Variants in KALRN observed in about 807,000 individuals in gnomAD.
The protein encoded by KALRN is kalirin.
A neutral mutation model predicts 353.7 loss-of-function variants in KALRN; 70 were observed. The ratio of observed to expected loss-of-function variants is 0.20; its 90% CI spans 0.16 to 0.24. The LOEUF (loss-of-function observed/expected upper bound fraction) is 0.24. Among genes scored for constraint, KALRN ranks in the 10% least tolerant of loss-of-function variants. The pLI is 1.00. For missense variants in KALRN, 2,791 were observed against 3,756.7 expected (o/e 0.74, Z 6.72); for synonymous variants, 1,391 against 1,434.8 (o/e 0.97, Z 0.69).
chr3:124,425,734 A>G (rs762349899), intron 15 of KALRN, among the ~76,000 whole-genome samples: 1 of 152,110 alleles, frequency 6.6e-6, no homozygotes, highest in Non-Finnish European at 1.5e-5. Flanking sequence ...TCAACTCCCT[A>G]ATTCTCTTTT....
intron 3 of KALRN, among the ~76,000 whole-genome samples, chr3:124,262,034 T>C (rs990137936): frequency 1.3e-5 from 2 of 152,114 alleles, no homozygotes; most frequent in African/African-American, 2.4e-5. Context: ...TAATATATTT[T>C]TTAATAAAAC....
At chr3:124,308,815 T>C (rs1236266106) in intron 6 of KALRN, among the ~76,000 whole-genome samples, 1 of 151,254 alleles carries the variant, frequency 6.6e-6, no homozygotes, top group Admixed American at 6.6e-5. Flanking sequence ...ATAATAAAGA[T>C]TAGAGTAGAA....
chr3:124,152,978 T>C lies in KALRN; in HGVS notation c.74-75012T>C, dbSNP rs182169736. The C allele has an allele frequency of 2.4e-3, 558 of 230,234 alleles. 1 individual carries two copies. The highest frequency in any genetic ancestry group is 3.6e-3 in the Middle Eastern group (2 of 558). 14.3% of individuals were successfully genotyped at this position (230,234 alleles called of 1,614,324 possible). Reference sequence around the variant, plus strand: ...TTTGAAGCACCTTTGTGCAAACTTCTTTCTCAGGTGCTTGATCTTCAGCTC... The same window carrying C: ...TTTGAAGCACCTTTGTGCAAACTTCCTTCTCAGGTGCTTGATCTTCAGCTC... On this transcript the variant is annotated intron_variant, in intron 1 of 59. Transcript: ENST00000682506.
chr3:124,674,566 C>T lies in KALRN; in HGVS notation c.7145C>T (p.Ala2382Val), dbSNP rs143716563. 6.0e-5 allele frequency: 97 copies of T among 1,608,162 alleles called. No homozygotes were observed. In the East Asian group the frequency reaches 1.7e-3, roughly 29 times the overall value. The change falls in exon 49 of 60, where the codon GCG (alanine) becomes GTG (valine). Residue 2382 changes from alanine to valine, a missense_variant. This residue lies in a region of KALRN where 1,065 missense variants were observed against 1,156.4 expected (regional missense o/e 0.92). Coordinates refer to ENST00000682506, the MANE Select transcript of KALRN (RefSeq NM_001388419.1). ...AEGWVPGSIL[A>V]PLTKATAAES... ...GGCTGGGTCCCAGGCAGCATCCTGGCGCCCCTCACCAAAGCCACAGCAGCA... is the reference window on the plus strand; with the variant it reads ...GGCTGGGTCCCAGGCAGCATCCTGGTGCCCCTCACCAAAGCCACAGCAGCA...
chr3:124,624,430 A>C (rs2149725454), intron 34 of KALRN, among the ~76,000 whole-genome samples: 1 of 152,342 alleles, frequency 6.6e-6, no homozygotes, highest in Admixed American at 6.5e-5. Context: ...AAACATATAT[A>C]GGGTTTGATA....
rs1332415836 is a variant in KALRN at position 124,384,806 on chromosome 3, G to A, written c.1771-39G>A. ...CCCAGGGTGGGCTGCTGGAAGGCGCGACTGCAACTTGACTTTGCCTCACTG... is the reference window on the plus strand; with the variant it reads ...CCCAGGGTGGGCTGCTGGAAGGCGCAACTGCAACTTGACTTTGCCTCACTG... On this transcript the variant is annotated intron_variant, in intron 10 of 59. Transcript: ENST00000682506. The A allele has an allele frequency of 5.9e-6, 9 of 1,535,816 alleles. No homozygotes were observed. In the South Asian group the frequency reaches 8.9e-5, roughly 15 times the overall value.
At chr3:124,543,487 G>C (rs866205487) in intron 33 of KALRN, among the ~76,000 whole-genome samples, 14 of 152,092 alleles carry the variant, frequency 9.2e-5, no homozygotes, top group Middle Eastern at 3.4e-3. Flanking sequence ...ATTTTTAGTA[G>C]AGACGGGGTT....
Position 124,680,291 on chromosome 3 carries a change from A to G in KALRN, c.7377+774A>G, listed in dbSNP as rs180835599. On this transcript the variant is annotated intron_variant, in intron 51 of 59. Transcript: ENST00000682506. ...AGTGGAACCAACGCCTGTATCAACA[A>G]GAACATCCATTCCACTTCCAACTCC... is the stretch of plus-strand genomic sequence containing the variant. Among the ~76,000 whole-genome samples the G allele has an allele frequency of 2.7e-3, 408 of 152,384 alleles. 2 individuals carry two copies. Among genetic ancestry groups the G allele is most frequent in the Admixed American group, 7.6e-3 (117 of 15,304 alleles).
At chr3:124,499,660 A>G (rs999168914) in intron 33 of KALRN, among the ~76,000 whole-genome samples, 7 of 152,194 alleles carry the variant, frequency 4.6e-5, no homozygotes, top group Non-Finnish European at 1.0e-4. Flanking sequence ...TCTCTTTTCC[A>G]TCTGCTAGCC....
chr3:124,126,363 G>A (rs1365310424), intron 1 of KALRN, among the ~76,000 whole-genome samples: 3 of 152,066 alleles, frequency 2.0e-5, no homozygotes, highest in Non-Finnish European at 4.4e-5. Context: ...GCGACTGTTG[G>A]TCAGATTTCT....
At chr3:124,040,830 A>T (rs1261806394) in intron 1 of KALRN, among the ~76,000 whole-genome samples, 1 of 152,138 alleles carries the variant, frequency 6.6e-6, no homozygotes, top group East Asian at 1.9e-4. Context: ...TTAATTATTA[A>T]TTGAATGTGA....
At chr3:124,058,197 T>G (rs796344194) in intron 1 of KALRN, among the ~76,000 whole-genome samples, 3 of 152,246 alleles carry the variant, frequency 2.0e-5, no homozygotes, top group African/African-American at 7.2e-5. Context: ...GAGTTACAAT[T>G]CAAGATGAGA....
chr3:124,066,961 A>G (rs1365258157), intron 1 of KALRN, among the ~76,000 whole-genome samples: 2 of 152,258 alleles, frequency 1.3e-5, no homozygotes, highest in Non-Finnish European at 2.9e-5. Context: ...AAGCTCTAGT[A>G]TCTTTACACA....
At chr3:124,367,054 C>T (rs771342416) in intron 10 of KALRN, among the ~76,000 whole-genome samples, 35 of 132,546 alleles carry the variant, frequency 2.6e-4, no homozygotes, top group East Asian at 1.0e-3. Context: ...GCTGGCCGGG[C>T]GGGGGGCTGA....
chr3:124,036,234 A>G (rs2039405962), intron 1 of KALRN, among the ~76,000 whole-genome samples: 1 of 152,088 alleles, frequency 6.6e-6, no homozygotes, highest in South Asian at 2.1e-4. Context: ...ACCCTCAAGT[A>G]GGCTCCGGTG....
In KALRN at chr3:124,637,300, G is replaced by A. The variant is rs116780710; in HGVS notation, c.5661G>A (p.Lys1887=). ...VNAIEKLVKN[K]LSLEGSSYRG... ...CAATAGAAAAGTTGGTCAAAAACAA[G>A]CTGGTAAGTGGGGGTCCTGGAGGCA... Residue 1887 remains lysine (K), a synonymous_variant, in exon 37 of 60, where the codon AAG becomes AAA. Coordinates refer to ENST00000682506, the MANE Select transcript of KALRN (RefSeq NM_001388419.1). 270 of 1,613,100 alleles carry A rather than the reference G, an allele frequency of 1.7e-4. No individual in the cohort carries two copies. The highest frequency in any genetic ancestry group is 4.0e-4 in the Admixed American group (24 of 60,024).
chr3:124,638,198 A>G (rs753358049), intron 37 of KALRN, among the ~76,000 whole-genome samples: 1 of 152,170 alleles, frequency 6.6e-6, no homozygotes, highest in Admixed American at 6.5e-5. Context: ...GAGGAAAATG[A>G]TGGATGCTCT....
At chr3:124,055,312 T>C (rs2041427540) in intron 1 of KALRN, among the ~76,000 whole-genome samples, 1 of 152,186 alleles carries the variant, frequency 6.6e-6, no homozygotes, top group East Asian at 1.9e-4. Context: ...GCAGGGTTCA[T>C]AGAAGTCTGC....
chr3:124,627,998 A>T (rs2080156194), intron 34 of KALRN, among the ~76,000 whole-genome samples: 1 of 152,202 alleles, frequency 6.6e-6, no homozygotes, highest in Admixed American at 6.5e-5. Context: ...CAAGTTATGC[A>T]CAAAACTCAA....
Sources: allele counts gnomAD v4.1 joint callset (sites outside exome capture counted in the v4.1 genomes callset), GRCh38; gene constraint gnomAD v4.1.1; regional missense constraint gnomAD v4.1.1; transcripts MANE v1.5; gene names NCBI Gene and HGNC (gene_info 2026-07-23, HGNC 2026-07-21).